The following DPY19L1 variants were observed in gnomAD, a reference collection of about 807,000 sequenced individuals.
DPY19L1 encodes the protein protein C-mannosyl-transferase DPY19L1.
DPY19L1 carries 35 observed loss-of-function variants against 96.9 expected under a neutral mutation model. That is an observed-to-expected ratio of 0.36 (90% CI 0.28 to 0.48). DPY19L1 has a LOEUF of 0.48. DPY19L1 is among the 20% of genes least tolerant of loss of function. The pLI is 0.99. For synonymous variants in DPY19L1, 205 were observed against 252.6 expected (o/e 0.81, Z 1.79); for missense variants, 521 against 777.9 (o/e 0.67, Z 3.93).
chr7:35,037,649 C>T (rs1318490854), upstream of DPY19L1: 2 of 230,910 alleles, frequency 8.7e-6, no homozygotes, highest in African/African-American at 2.3e-5. Context: ...CCGGTTGTCA[C>T]GGCGACCGCG....
intron 13 of DPY19L1, among the ~76,000 whole-genome samples, chr7:34,954,158 CAG>C (rs1486156696): frequency 1.3e-5 from 2 of 152,210 alleles, no homozygotes; most frequent in East Asian, 3.9e-4. Flanking sequence ...CAATTATGGA[CAG>C]AGAGAATCTT....
In DPY19L1 at chr7:34,953,229, A is replaced by G. The variant is rs115252478; in HGVS notation, c.1320+1469T>C. On this transcript the variant is annotated intron_variant, in intron 13 of 21. Coordinates refer to ENST00000638088, the MANE Select transcript of DPY19L1 (RefSeq NM_001366673.1). ...AATTTATGAGCCAATGCCCTTAATC[A>G]ACGTTACGTATTTCTAAAAATACTA... 7.7e-3 allele frequency among the ~76,000 whole-genome samples: 1,173 copies of G among 152,340 alleles called. 15 individuals are homozygous for G. The highest frequency in any genetic ancestry group is 0.027 in the African/African-American group (1,108 of 41,572).
chr7:34,989,792 T>G lies in DPY19L1; in HGVS notation c.822+92A>C, dbSNP rs1311352116. The G allele has an allele frequency of 4.6e-6, 5 of 1,084,554 alleles. No homozygotes were observed. The East Asian group carries it at 1.1e-4, about 23-fold the overall frequency. 67.2% of individuals were successfully genotyped at this position (1,084,554 alleles called of 1,614,324 possible). A position where few individuals can be genotyped will look rare whatever the true frequency, so the allele number is the denominator to read the frequency against. ...TAAATTTTGAATCAAAATAATAAGATCAAACATTTAAAGAATGCCATTATA... is the reference window on the plus strand; with the variant it reads ...TAAATTTTGAATCAAAATAATAAGAGCAAACATTTAAAGAATGCCATTATA... On this transcript the variant is annotated intron_variant, in intron 7 of 21. Coordinates refer to ENST00000638088, the MANE Select transcript of DPY19L1 (RefSeq NM_001366673.1).
intron 8 of DPY19L1, among the ~76,000 whole-genome samples, chr7:34,969,867 C>G (rs545234980): frequency 6.6e-6 from 1 of 152,186 alleles, no homozygotes; most frequent in East Asian, 1.9e-4. Context: ...GCAGAAGATG[C>G]CTACAAAAAG....
chr7:34,968,541 C>A (rs1462751770), intron 9 of DPY19L1, among the ~76,000 whole-genome samples: 2 of 151,938 alleles, frequency 1.3e-5, no homozygotes, highest in Admixed American at 6.6e-5. Flanking sequence ...GAGGCCAAAG[C>A]GGGTGGATCA....
At chr7:35,012,245 G>C (rs776488967) in intron 4 of DPY19L1, among the ~76,000 whole-genome samples, 6 of 152,206 alleles carry the variant, frequency 3.9e-5, no homozygotes, top group Non-Finnish European at 7.3e-5. Flanking sequence ...AGCCATCCCA[G>C]ATCCAGAGCT....
At chr7:35,035,465 T>G (rs1786369626) in intron 1 of DPY19L1, among the ~76,000 whole-genome samples, 1 of 152,240 alleles carries the variant, frequency 6.6e-6, no homozygotes, top group African/African-American at 2.4e-5. Context: ...ATATCATTAT[T>G]CTAAGATTTG....
intron 15 of DPY19L1, among the ~76,000 whole-genome samples, chr7:34,946,141 G>A (rs1397366643): frequency 6.6e-6 from 1 of 152,208 alleles, no homozygotes; most frequent in Non-Finnish European, 1.5e-5. Flanking sequence ...GATAATCACA[G>A]CTGGAAGCAT....
intron 6 of DPY19L1, among the ~76,000 whole-genome samples, chr7:34,994,531 C>T (rs1417971976): frequency 2.0e-5 from 3 of 152,124 alleles, no homozygotes; most frequent in Non-Finnish European, 4.4e-5. Context: ...CCTGGCGGGG[C>T]GCGGTGGCTC....
At chr7:35,023,833 C>CTTTTTTTTTTTTTTTTT (rs755619806) in intron 1 of DPY19L1, among the ~76,000 whole-genome samples, 9 of 111,810 alleles carry the variant, frequency 8.0e-5, no homozygotes, top group South Asian at 3.0e-4. Context: ...CTTTTCTTTT[C>CTTTTTTTTTTTTTTTTT]TTTTTTTTTT....
At position 34,929,466 on chromosome 7, in the gene DPY19L1, C is replaced by T. The variant is rs1783704798; in HGVS notation, c.*2107G>A. On this transcript the variant is annotated 3_prime_UTR_variant, in exon 22 of 22. Transcript: ENST00000638088. ...TTTTAATGGTTCCCAGCAAATGAAG[C>T]AGTTATAATAGTATTTTTAATGCTT... The T allele has an allele frequency of 6.6e-6, 1 of 152,146 alleles. No homozygotes were observed. The highest frequency in any genetic ancestry group is 2.1e-4 in the South Asian group (1 of 4,824). The allele number at this position is 152,146 out of a possible 1,614,324, so 9.4% of individuals were successfully genotyped here.
At chr7:34,948,934 C>T (rs1196313391) in intron 14 of DPY19L1, among the ~76,000 whole-genome samples, 7 of 152,310 alleles carry the variant, frequency 4.6e-5, no homozygotes, top group African/African-American at 1.4e-4. Flanking sequence ...CTGTGTGGTG[C>T]CCTCTCATCC....
chr7:34,932,092 A>C (rs1160219079), intron 21 of DPY19L1, among the ~76,000 whole-genome samples: 1 of 152,248 alleles, frequency 6.6e-6, no homozygotes, highest in Non-Finnish European at 1.5e-5. Flanking sequence ...GAAATAAACA[A>C]CCATGACATA....
At chr7:35,017,568 A>G (rs1464548898) in intron 3 of DPY19L1, among the ~76,000 whole-genome samples, 1 of 148,270 alleles carries the variant, frequency 6.7e-6, no homozygotes, top group Non-Finnish European at 1.5e-5. Context: ...GCTACTCAGG[A>G]GGCTGAGGCA....
At chr7:34,968,265 G>A (rs1297745795) in intron 9 of DPY19L1, among the ~76,000 whole-genome samples, 1 of 152,004 alleles carries the variant, frequency 6.6e-6, no homozygotes, top group South Asian at 2.1e-4. Flanking sequence ...CACCTACTAA[G>A]TACCAGGTAC....
chr7:35,018,679 G>T, intron 1 of DPY19L1, 83 bp from the exon 2 acceptor site: 2 of 1,234,090 alleles, frequency 1.6e-6, no homozygotes, highest in Non-Finnish European at 2.3e-6. Context: ...GATAAAGCAT[G>T]TCAAATATTG....
At chr7:34,947,155 C>T (rs778592190) in intron 15 of DPY19L1, among the ~76,000 whole-genome samples, 63 of 152,170 alleles carry the variant, frequency 4.1e-4, no homozygotes, top group Non-Finnish European at 2.9e-5. Context: ...ATTTTATCGT[C>T]AAAGCCAACT....
Position 34,930,133 on chromosome 7 carries a change from A to G in DPY19L1, c.*1440T>C, listed in dbSNP as rs1783721924. 1 of 152,250 alleles carries G rather than the reference A, an allele frequency of 6.6e-6. No individual in the cohort carries two copies. Among genetic ancestry groups the G allele is most frequent in the African/African-American group, 2.4e-5 (1 of 41,460 alleles). 9.4% of individuals were successfully genotyped at this position (152,250 alleles called of 1,614,324 possible). A position where few individuals can be genotyped will look rare whatever the true frequency, so the allele number is the denominator to read the frequency against. On this transcript the variant is annotated 3_prime_UTR_variant, in exon 22 of 22. Transcript: ENST00000638088. ...CCTGAGGACTAAGGTCTGAAGGACA[A>G]TCCACAATGAGGTTAATCTGCCTGT...
intron 8 of DPY19L1, among the ~76,000 whole-genome samples, chr7:34,971,836 C>T (rs1490649642): frequency 6.6e-6 from 1 of 152,138 alleles, no homozygotes; most frequent in African/African-American, 2.4e-5. Flanking sequence ...GAATAATGGC[C>T]TCCAAAGATA....
Sources: allele counts gnomAD v4.1 joint callset (sites outside exome capture counted in the v4.1 genomes callset), GRCh38; gene constraint gnomAD v4.1.1; transcripts MANE v1.5; gene names NCBI Gene and HGNC (gene_info 2026-07-23, HGNC 2026-07-21).